SORCS1: variants seen among roughly 807,000 people sequenced by gnomAD.
The protein encoded by SORCS1 is VPS10 domain-containing receptor SorCS1.
Under a neutral mutation model 146.1 loss-of-function variants are expected in SORCS1, and 60 were observed. That is an observed-to-expected ratio of 0.41 (90% confidence interval 0.33 to 0.51). SORCS1 has a LOEUF of 0.51. SORCS1 is among the 20% of genes least tolerant of loss of function. The probability of loss-of-function intolerance (pLI) is 0.21; values close to 1 mark genes in which losing one functional copy is unlikely to be tolerated. For synonymous variants in SORCS1, 637 were observed against 584.0 expected, an observed-to-expected ratio of 1.09 and a Z score of -1.31; for missense variants, 1,352 against 1,487.6, an observed-to-expected ratio of 0.91 and a Z score of 1.50.
intron 18 of SORCS1, among the ~76,000 whole-genome samples, chr10:106,643,179 C>T (rs1298167642): frequency 6.6e-6 from 1 of 152,124 alleles, no homozygotes; most frequent in Non-Finnish European, 1.5e-5. Flanking sequence ...CTTTCTGTGC[C>T]TCATATAAAA....
intron 19 of SORCS1, among the ~76,000 whole-genome samples, chr10:106,620,768 C>G (rs1322006): frequency 0.073 from 11,073 of 152,230 alleles, 481 homozygotes; most frequent in East Asian, 0.2. Context: ...ACTTACCAAT[C>G]TTTCTACCAG....
At chr10:106,688,125 C>A in intron 10 of SORCS1, 67 bp downstream of exon 10, 1 of 1,561,164 alleles carries the variant, frequency 6.4e-7, no homozygotes, top group South Asian at 1.2e-5. Context: ...CTATCCTCAC[C>A]CTCTGTTAAA....
intron 1 of SORCS1, among the ~76,000 whole-genome samples, chr10:106,988,614 T>C (rs1956599655): frequency 6.6e-6 from 1 of 152,152 alleles, no homozygotes; most frequent in Non-Finnish European, 1.5e-5. Context: ...TAGAAATCTT[T>C]TGACTGCCTT....
At chr10:106,932,872 A>AT (rs1218510793) in intron 2 of SORCS1, among the ~76,000 whole-genome samples, 1 of 152,234 alleles carries the variant, frequency 6.6e-6, no homozygotes, top group Non-Finnish European at 1.5e-5. Flanking sequence ...ATAATGTTAT[A>AT]GAATGATTAT....
intron 1 of SORCS1, among the ~76,000 whole-genome samples, chr10:107,084,230 G>A (rs1590097978): frequency 6.6e-6 from 1 of 150,918 alleles, no homozygotes; most frequent in East Asian, 1.9e-4. Context: ...CAAGTATCTG[G>A]GACTATAGGT....
chr10:106,805,609 C>A (rs1045484668), intron 3 of SORCS1, among the ~76,000 whole-genome samples: 9 of 152,170 alleles, frequency 5.9e-5, no homozygotes, highest in African/African-American at 2.2e-4. Context: ...CCCAAGGCCA[C>A]CCTGCCTGTT....
At position 106,753,712 on chromosome 10, in the gene SORCS1, T is replaced by C. The variant is rs930419990; in HGVS notation, c.959+7876A>G. On this transcript the variant is annotated intron_variant, in intron 5 of 25. Coordinates refer to ENST00000263054, the MANE Select transcript of SORCS1 (RefSeq NM_052918.5). ...AAAAAAAAAAAGTCACTTCAAGGAC[T>C]AGCGGTGAGGCCCAGTGGATATGGA... Among the ~76,000 whole-genome samples, 3 of 149,990 alleles carry C rather than the reference T, an allele frequency of 2.0e-5. 1 individual carries two copies. Among genetic ancestry groups the C allele is most frequent in the Non-Finnish European group, 4.4e-5 (3 of 67,718 alleles).
At chr10:106,902,749 T>A (rs1023851641) in intron 2 of SORCS1, among the ~76,000 whole-genome samples, 4 of 152,188 alleles carry the variant, frequency 2.6e-5, no homozygotes, top group Non-Finnish European at 5.9e-5. Flanking sequence ...AACCTATAGG[T>A]GGTTATTCCT....
At chr10:106,719,957 T>G (rs1024673003) in intron 6 of SORCS1, among the ~76,000 whole-genome samples, 34 of 152,212 alleles carry the variant, frequency 2.2e-4, no homozygotes, top group Admixed American at 2.2e-3. Context: ...TCTGGAATGC[T>G]CTTCCACCAG....
chr10:106,924,511 ATCTAAT>A (rs1952899233), intron 2 of SORCS1, among the ~76,000 whole-genome samples: 1 of 151,552 alleles, frequency 6.6e-6, no homozygotes, highest in South Asian at 2.1e-4. Context: ...CTATCTATCT[ATCTAAT>A]TTGCATTGGG....
intron 2 of SORCS1, among the ~76,000 whole-genome samples, chr10:106,850,595 C>T (rs1348334138): frequency 6.6e-6 from 1 of 152,188 alleles, no homozygotes; most frequent in Non-Finnish European, 1.5e-5. Flanking sequence ...CCTATTCGGC[C>T]ATCTTGGCTC....
intron 2 of SORCS1, among the ~76,000 whole-genome samples, chr10:106,851,276 A>G (rs575808742): frequency 2.6e-5 from 4 of 152,288 alleles, no homozygotes; most frequent in African/African-American, 9.6e-5. Context: ...ACCATATCCA[A>G]GGTCATTTAG....
intron 2 of SORCS1, among the ~76,000 whole-genome samples, chr10:106,946,491 A>T (rs2138831818): frequency 6.6e-6 from 1 of 152,320 alleles, no homozygotes; most frequent in Middle Eastern, 3.4e-3. Flanking sequence ...ATGGTTTTAT[A>T]AATGGGAGTT....
intron 1 of SORCS1, among the ~76,000 whole-genome samples, chr10:107,096,075 T>A (rs1267170453): frequency 6.6e-6 from 1 of 152,312 alleles, no homozygotes; most frequent in East Asian, 1.9e-4. Context: ...ATATCCATTA[T>A]AAGATTACAC....
chr10:107,165,292 A>AGAGTGTGTGTGTGTGTGTGTGTGT (rs113141732), upstream of SORCS1, among the ~76,000 whole-genome samples: 9 of 142,718 alleles, frequency 6.3e-5, no homozygotes, highest in African/African-American at 1.6e-4. This position sits in a 1 kb window ranked among gnomAD's most constrained non-coding sequence, Gnocchi z 4.0. Flanking sequence ...CTCGTGTGTG[A>AGAGTGTGTGTGTGTGTGTGTGTGT]GTGTGTGTGT....
At chr10:107,021,449 A>C (rs1235675723) in intron 1 of SORCS1, among the ~76,000 whole-genome samples, 1 of 142,324 alleles carries the variant, frequency 7.0e-6, no homozygotes, top group Non-Finnish European at 1.5e-5. Context: ...GGGAGGCAGA[A>C]CTTGCAGTGA....
At chr10:107,141,800 T>G (rs1967867075) in intron 1 of SORCS1, among the ~76,000 whole-genome samples, 1 of 152,212 alleles carries the variant, frequency 6.6e-6, no homozygotes, top group African/African-American at 2.4e-5. Flanking sequence ...CAGTATGTCC[T>G]GCACACAGGG....
rs542887732 is a variant in SORCS1 at position 107,042,862 on chromosome 10, G to A, written c.559-86282C>T. On this transcript the variant is annotated intron_variant, in intron 1 of 25. Transcript: ENST00000263054. ...TGACCTTAAATGATCCACCTGCCTC[G>A]GCCTCCCAATGTTCTGGGATTACAG... Among the ~76,000 whole-genome samples the A allele has an allele frequency of 5.9e-5, 9 of 151,958 alleles. No individual in the cohort carries two copies. The South Asian group carries it at 8.3e-4, about 14-fold the overall frequency.
intron 2 of SORCS1, among the ~76,000 whole-genome samples, chr10:106,859,313 G>T: frequency 6.6e-6 from 1 of 152,170 alleles, no homozygotes; most frequent in East Asian, 1.9e-4. Context: ...TTTTCTAAAG[G>T]CAGGGATAGA....
Sources: allele counts gnomAD v4.1 joint callset (sites outside exome capture counted in the v4.1 genomes callset), GRCh38; gene constraint gnomAD v4.1.1; non-coding constraint Gnocchi (gnomAD v3.1); transcripts MANE v1.5; gene names NCBI Gene and HGNC (gene_info 2026-07-23, HGNC 2026-07-21).